The following GLIS3 variants were observed in gnomAD, a reference collection of about 807,000 sequenced individuals.
GLIS3 encodes the protein zinc finger protein GLIS3.
In GLIS3, 53 loss-of-function variants were observed where a neutral mutation model predicts 78.6. The observed-to-expected ratio is 0.67, with a 90% CI of 0.54 to 0.85. The LOEUF is 0.85. GLIS3 is among the 40% of genes least tolerant of loss of function. The pLI, the probability that GLIS3 is intolerant of heterozygous loss-of-function variation, is 0.00. For synonymous variants in GLIS3, 684 were observed against 509.9 expected, an observed-to-expected ratio of 1.34 and a Z score of -4.60; for missense variants, 1,703 against 1,231.1, an observed-to-expected ratio of 1.38 and a Z score of -5.74.
intron 2 of GLIS3, among the ~76,000 whole-genome samples, chr9:4,259,843 A>T (rs999390628): frequency 2.0e-5 from 3 of 152,198 alleles, no homozygotes; most frequent in African/African-American, 7.2e-5. Flanking sequence ...AAAAAAAAGT[A>T]AATCTCCTTC....
At chr9:4,113,162 A>G (rs1831365419) in intron 4 of GLIS3, among the ~76,000 whole-genome samples, 1 of 152,076 alleles carries the variant, frequency 6.6e-6, no homozygotes, top group Non-Finnish European at 1.5e-5. Context: ...ATGTTAATAG[A>G]TATATATGTA....
At chr9:4,191,633 C>T (rs1171845595) in intron 2 of GLIS3, among the ~76,000 whole-genome samples, 6 of 152,112 alleles carry the variant, frequency 3.9e-5, no homozygotes, top group Non-Finnish European at 5.9e-5. Context: ...ACCCTTTTCC[C>T]TAAATGATAC....
intron 1 of GLIS3, among the ~76,000 whole-genome samples, chr9:4,292,335 G>T (rs1017871569): frequency 6.6e-6 from 1 of 152,092 alleles, no homozygotes; most frequent in Non-Finnish European, 1.5e-5. Context: ...TTATTTGTGG[G>T]TATACCTATC....
At chr9:4,419,541 G>A in the GLIS3 span, among the ~76,000 whole-genome samples, 1 of 152,136 alleles carries the variant, frequency 6.6e-6, no homozygotes, top group Non-Finnish European at 1.5e-5. Context: ...TGTAATCCCA[G>A]CATTTGAGGA....
At chr9:4,367,724 T>G in the GLIS3 span, among the ~76,000 whole-genome samples, 4 of 150,650 alleles carry the variant, frequency 2.7e-5, no homozygotes, top group African/African-American at 9.8e-5. Flanking sequence ...CTAACACAAG[T>G]ACTATACATA....
At chr9:4,038,218 A>T (rs2130339716) in intron 4 of GLIS3, among the ~76,000 whole-genome samples, 1 of 152,276 alleles carries the variant, frequency 6.6e-6, no homozygotes, top group Admixed American at 6.5e-5. Flanking sequence ...AGCCAGCCAT[A>T]TTCCAGTTTC....
At chr9:3,998,978 A>C (rs74357979) in intron 4 of GLIS3, among the ~76,000 whole-genome samples, 2,194 of 152,068 alleles carry the variant, frequency 0.014, 68 homozygotes, top group African/African-American at 0.05. Flanking sequence ...CCAAGACATA[A>C]GCACATGCAT....
chr9:3,934,324 A>C (rs1381525209), intron 5 of GLIS3, among the ~76,000 whole-genome samples: 2 of 152,084 alleles, frequency 1.3e-5, no homozygotes, highest in Non-Finnish European at 2.9e-5. Flanking sequence ...AAAAAGCTTG[A>C]TGACTATTAA....
chr9:3,856,199 A>G lies in GLIS3; in HGVS notation c.2298-15T>C. On this transcript the variant is annotated splice_polypyrimidine_tract_variant and intron_variant, in intron 8 of 10. Transcript: ENST00000381971. ...AAGGTGCAAACCTGAGAAAACAATTATAAAAGGAAACATGAGGGACATAAA... is the reference window on the plus strand; with the variant it reads ...AAGGTGCAAACCTGAGAAAACAATTGTAAAAGGAAACATGAGGGACATAAA... 2 of 1,610,228 alleles carry G rather than the reference A, an allele frequency of 1.2e-6. No individual in the cohort carries two copies. The highest frequency in any genetic ancestry group is 1.1e-5 in the South Asian group (1 of 90,646).
intron 2 of GLIS3, among the ~76,000 whole-genome samples, chr9:4,251,701 G>A (rs1029483746): frequency 7.2e-5 from 11 of 152,016 alleles, no homozygotes; most frequent in South Asian, 2.1e-4. Flanking sequence ...CTTCAGTGTC[G>A]ATGGTCTTTA....
chr9:4,317,832 T>C (rs567293815), intron 2 of GLIS3, among the ~76,000 whole-genome samples: 6 of 152,198 alleles, frequency 3.9e-5, no homozygotes, highest in South Asian at 2.1e-4. Flanking sequence ...AAGTAGCACA[T>C]GTAAAAGAGT....
chr9:3,890,538 C>A (rs1040790658), intron 7 of GLIS3, among the ~76,000 whole-genome samples: 5 of 152,060 alleles, frequency 3.3e-5, no homozygotes, highest in African/African-American at 9.7e-5. Flanking sequence ...GAGCATCTGC[C>A]AATTGCCGGG....
At chr9:3,956,036 A>G (rs1345304578) in intron 4 of GLIS3, among the ~76,000 whole-genome samples, 1 of 151,570 alleles carries the variant, frequency 6.6e-6, no homozygotes, top group African/African-American at 2.4e-5. Flanking sequence ...AGCAAAAAAA[A>G]AAAAAAAAAA....
At chr9:3,899,525 A>G (rs1413054108) in intron 6 of GLIS3, among the ~76,000 whole-genome samples, 1 of 146,562 alleles carries the variant, frequency 6.8e-6, no homozygotes, top group Non-Finnish European at 1.5e-5. Context: ...ATTGAAATGG[A>G]AAAAAAAAAC....
intron 4 of GLIS3, among the ~76,000 whole-genome samples, chr9:3,955,679 G>C (rs1312031593): frequency 6.6e-6 from 1 of 152,114 alleles, no homozygotes; most frequent in African/African-American, 2.4e-5. Flanking sequence ...AGCATGAAAA[G>C]TAGCAAAATG....
chr9:4,090,950 C>G (rs1178247621), intron 4 of GLIS3, among the ~76,000 whole-genome samples: 1 of 152,206 alleles, frequency 6.6e-6, no homozygotes, highest in Non-Finnish European at 1.5e-5. Context: ...CATTTTCTAA[C>G]TTAGGTAAGT....
the GLIS3 span, among the ~76,000 whole-genome samples, chr9:4,448,999 C>A: frequency 6.6e-6 from 1 of 152,130 alleles, no homozygotes; most frequent in Non-Finnish European, 1.5e-5. Flanking sequence ...GGAGGGTGAG[C>A]TGAAGCAGGG....
intron 2 of GLIS3, among the ~76,000 whole-genome samples, chr9:4,244,876 A>C (rs796593526): frequency 6.6e-6 from 1 of 152,226 alleles, no homozygotes; most frequent in African/African-American, 2.4e-5. Flanking sequence ...ATGCCTGACC[A>C]CAAGGAATTT....
At chr9:4,404,212 G>A in the GLIS3 span, among the ~76,000 whole-genome samples, 20 of 152,166 alleles carry the variant, frequency 1.3e-4, no homozygotes, top group Non-Finnish European at 8.8e-5. Flanking sequence ...GGAGCAACCC[G>A]ATATATAAAG....
Sources: gnomAD v4.1 joint callset for allele counts (sites outside exome capture counted in the v4.1 genomes callset) on GRCh38, gnomAD v4.1.1 for gene constraint, MANE v1.5 for transcripts, NCBI Gene and HGNC (gene_info 2026-07-23, HGNC 2026-07-21) for gene names.